The following MROH7 variants were observed in gnomAD, a reference collection of about 807,000 sequenced individuals.
MROH7 encodes the protein maestro heat like repeat family member 7.
In MROH7, 113 loss-of-function variants were observed where a neutral mutation model predicts 129.2. The observed-to-expected ratio is 0.87, with a 90% CI of 0.75 to 1.02. The LOEUF (loss-of-function observed/expected upper bound fraction) is 1.02, where lower values mean the gene tolerates loss of function less well. MROH7 is among the 50% of genes least tolerant of loss of function. The pLI, the probability that MROH7 is intolerant of heterozygous loss-of-function variation, is 0.00. For missense variants in MROH7, 1,601 were observed against 1,671.3 expected, an observed-to-expected ratio of 0.96 and a Z score of 0.73; for synonymous variants, 655 against 667.9, an observed-to-expected ratio of 0.98 and a Z score of 0.30.
intron 8 of MROH7, among the ~76,000 whole-genome samples, 190 bp downstream of exon 8, chr1:54,673,376 C>T (rs1644932089): frequency 6.6e-6 from 1 of 151,904 alleles, no homozygotes; most frequent in African/African-American, 2.4e-5. Flanking sequence ...ACTCTCTCCC[C>T]ATCCCCCCAC....
intron 12 of MROH7, 117 bp from the exon 13 acceptor site, chr1:54,679,774 G>A (rs1645039246): frequency 2.0e-6 from 2 of 991,568 alleles, no homozygotes; most frequent in African/African-American, 1.6e-5. Context: ...TCTCTCCTTT[G>A]GGCCTTCTCC....
chr1:54,690,589 G>A (rs1446258333), intron 15 of MROH7, among the ~76,000 whole-genome samples: 5 of 151,780 alleles, frequency 3.3e-5, no homozygotes, highest in African/African-American at 1.2e-4. Context: ...GACTACAGGC[G>A]CCCGCCACCA....
chr1:54,682,946 G>A, intron 14 of MROH7, 152 bp downstream of exon 14: 1 of 822,764 alleles, frequency 1.2e-6, no homozygotes. Context: ...TCTGGCTCTT[G>A]TCTGTGGTTC....
intron 15 of MROH7, among the ~76,000 whole-genome samples, chr1:54,691,857 ATCTC>A (rs377566096): frequency 1.3e-4 from 15 of 114,490 alleles, no homozygotes; most frequent in African/African-American, 1.6e-4. Context: ...CCTCTGTCTG[ATCTC>A]TCTCTCTCTC....
At position 54,679,952 on chromosome 1, in the gene MROH7, G is replaced by A. The variant is rs201540608; in HGVS notation, c.2288G>A (p.Arg763His). 1.2e-4 allele frequency: 195 copies of A among 1,613,814 alleles called. No individual in the cohort carries two copies. Among genetic ancestry groups the A allele is most frequent in the Middle Eastern group, 3.3e-4 (2 of 6,058 alleles). Residue 763 changes from arginine to histidine, a missense_variant, in exon 13 of 24, where the codon CGC (arginine) becomes CAC (histidine). Physicochemically the swap from Arg to His is conservative, Grantham distance 29 (BLOSUM62 0). Transcript: ENST00000421030. Reference sequence around the variant, plus strand: ...AGCCACATCCAGGAGCCTCGGGCCCGCCAGGTGGCCCTGCTGCCCGTCTCC... The same window carrying A: ...AGCCACATCCAGGAGCCTCGGGCCCACCAGGTGGCCCTGCTGCCCGTCTCC... Reference protein sequence around the residue: ...QLSHIQEPRARQVALLPVSLL... With the variant: ...QLSHIQEPRAHQVALLPVSLL...
Position 54,692,629 on chromosome 1 carries a change from C to T in MROH7, c.2849+68C>T, listed in dbSNP as rs190939010. The T allele has an allele frequency of 2.9e-4, 432 of 1,515,722 alleles. 3 individuals carry two copies. Among genetic ancestry groups the T allele is most frequent in the Middle Eastern group, 2.3e-3 (10 of 4,322 alleles). The allele number at this position is 1,515,722 out of a possible 1,614,324, so 93.9% of individuals were successfully genotyped here. The stretch of plus-strand genomic sequence containing the variant: ...AGAGGGGGACCTCAGGATCTTCAGA[C>T]GGACTTGGTCTGCATCTCTCCCTGG... On this transcript the variant is annotated intron_variant, in intron 16 of 23. Transcript: ENST00000421030.
intron 17 of MROH7, chr1:54,698,876 C>A (rs1270153709): frequency 6.6e-6 from 1 of 151,942 alleles, no homozygotes; most frequent in East Asian, 1.9e-4. Flanking sequence ...TCACTGCAAC[C>A]TCCCCCTCCC....
At chr1:54,702,347 C>A (rs1645454133) in intron 20 of MROH7, 102 bp downstream of exon 20, 9 of 1,089,658 alleles carry the variant, frequency 8.3e-6, no homozygotes, top group Non-Finnish European at 9.9e-6. Flanking sequence ...ATCCTGGGGG[C>A]AGTTATGTAT....
intron 15 of MROH7, among the ~76,000 whole-genome samples, chr1:54,691,423 A>C (rs982827496): frequency 3.9e-5 from 6 of 152,242 alleles, no homozygotes; most frequent in African/African-American, 1.4e-4. Context: ...AAAGTGCACC[A>C]TAAACTCTTT....
At chr1:54,665,096 A>G in intron 3 of MROH7, 71 bp from the exon 4 acceptor site, 1 of 1,179,230 alleles carries the variant, frequency 8.5e-7, no homozygotes, top group Non-Finnish European at 1.3e-6. Context: ...GGGGGAGGAG[A>G]GAGATGGCAT....
chr1:54,677,120 C>A (rs111833683), intron 10 of MROH7, among the ~76,000 whole-genome samples: 1 of 151,338 alleles, frequency 6.6e-6, no homozygotes, highest in Non-Finnish European at 1.5e-5. Context: ...GATTACAGGC[C>A]GGGTGCGGTG....
chr1:54,709,214 T>C, intron 23 of MROH7, 138 bp downstream of exon 23: 1 of 693,428 alleles, frequency 1.4e-6, no homozygotes, highest in Non-Finnish European at 2.4e-6. Flanking sequence ...TAGTTTTTTG[T>C]TTGTTTGTTT....
At chr1:54,701,872 GT>G (rs34319524) in intron 19 of MROH7, among the ~76,000 whole-genome samples, 8,330 of 147,982 alleles carry the variant, frequency 0.056, 273 homozygotes, top group Middle Eastern at 0.089. Flanking sequence ...CACCTGGCCA[GT>G]TTTTTTTTTT....
At chr1:54,706,787 A>G (rs1645541554) in intron 22 of MROH7, among the ~76,000 whole-genome samples, 1 of 152,204 alleles carries the variant, frequency 6.6e-6, no homozygotes, top group African/African-American at 2.4e-5. Flanking sequence ...GCAACTGTAT[A>G]TGGCAGAACT....
chr1:54,691,127 C>T (rs1569962978), intron 15 of MROH7, among the ~76,000 whole-genome samples: 1 of 149,638 alleles, frequency 6.7e-6, no homozygotes, highest in East Asian at 1.9e-4. Flanking sequence ...GGACAACACT[C>T]TGAGCCTGCC....
chr1:54,649,405 C>G (rs1213919909), intron 1 of MROH7, among the ~76,000 whole-genome samples: 1 of 152,226 alleles, frequency 6.6e-6, no homozygotes, highest in East Asian at 1.9e-4. Context: ...TAGATCCCAC[C>G]CAAGCCCCTC....
chr1:54,677,127 G>T (rs1035060482), intron 10 of MROH7, among the ~76,000 whole-genome samples: 1 of 151,986 alleles, frequency 6.6e-6, no homozygotes, highest in African/African-American at 2.4e-5. Flanking sequence ...GGCCGGGTGC[G>T]GTGGCTCACG....
intron 23 of MROH7, among the ~76,000 whole-genome samples, chr1:54,709,649 A>G (rs757837): frequency 0.38 from 58,486 of 151,938 alleles, 11,617 homozygotes; most frequent in East Asian, 0.5. Context: ...AAGTGAGACC[A>G]AAAGCCATTT....
chr1:54,694,840 T>C (rs923027620), intron 16 of MROH7, among the ~76,000 whole-genome samples: 8 of 152,248 alleles, frequency 5.3e-5, no homozygotes, highest in Admixed American at 5.2e-4. Flanking sequence ...AGAGGACCAC[T>C]GGCTTAGTAG....
Sources: allele counts gnomAD v4.1 joint callset (sites outside exome capture counted in the v4.1 genomes callset), GRCh38; gene constraint gnomAD v4.1.1; transcripts MANE v1.5; gene names NCBI Gene and HGNC (gene_info 2026-07-23, HGNC 2026-07-21).